The following GLYATL1 variants were observed in gnomAD, a reference collection of about 807,000 sequenced individuals.
GLYATL1 encodes glycine-N-acyltransferase like 1, also known as glycine N-acyltransferase-like protein 1.
Under a neutral mutation model 20.0 loss-of-function variants are expected in GLYATL1, and 15 were observed. The ratio of observed to expected loss-of-function variants is 0.75; its 90% CI spans 0.50 to 1.15. The LOEUF (loss-of-function observed/expected upper bound fraction) is 1.15, where lower values mean the gene tolerates loss of function less well. GLYATL1 is among the 50% of genes most tolerant of loss of function. The pLI, the probability that GLYATL1 is intolerant of heterozygous loss-of-function variation, is 0.00. For missense variants in GLYATL1, 380 were observed against 368.5 expected, an observed-to-expected ratio of 1.03 and a Z score of -0.26; for synonymous variants, 151 against 131.5, an observed-to-expected ratio of 1.15 and a Z score of -1.01.
chr11:58,921,762 G>C (rs912223438), intron 1 of GLYATL1, among the ~76,000 whole-genome samples: 1 of 152,106 alleles, frequency 6.6e-6, no homozygotes, highest in African/African-American at 2.4e-5. Flanking sequence ...TTTGCCTTCT[G>C]ATCTCAGTTA....
chr11:58,947,383 G>A, intron 3 of GLYATL1: 1 of 598,008 alleles, frequency 1.7e-6, no homozygotes, highest in Non-Finnish European at 2.9e-6. Context: ...ATTTGGAGAG[G>A]CAGTGGAGCA....
intron 1 of GLYATL1, among the ~76,000 whole-genome samples, chr11:58,914,888 T>C (rs1318856095): frequency 1.3e-5 from 2 of 152,188 alleles, no homozygotes; most frequent in Non-Finnish European, 1.5e-5. Flanking sequence ...TCTGGCTATT[T>C]TGCTAGGGAT....
chr11:58,909,919 T>C (rs1003168368), downstream of GLYATL1, among the ~76,000 whole-genome samples: 1 of 152,168 alleles, frequency 6.6e-6, no homozygotes, highest in East Asian at 1.9e-4. Flanking sequence ...GTTCGGTCTC[T>C]ATGTTCTGCT....
chr11:58,925,931 C>A (rs569168745), upstream of GLYATL1, among the ~76,000 whole-genome samples: 1 of 152,122 alleles, frequency 6.6e-6, no homozygotes, highest in East Asian at 1.9e-4. Flanking sequence ...CTGGCATAAG[C>A]TGGTCCATTA....
intron 1 of GLYATL1, among the ~76,000 whole-genome samples, chr11:58,906,367 G>A (rs1418775549): frequency 6.6e-6 from 1 of 152,130 alleles, no homozygotes; most frequent in Non-Finnish European, 1.5e-5. Context: ...TTCCTTCCCT[G>A]GTGCCCTTTG....
Position 58,955,263 on chromosome 11 carries a change from T to C in GLYATL1, c.401T>C (p.Val134Ala). ...KVEHSRALLL[V>A]TEDILKLNAS... is the part of the protein sequence containing the mutation. Reference sequence around the variant, plus strand: ...GAGCATTCGAGAGCACTCCTCTTGGTTACGGAAGATATTCTGAAGCTCAAT... The same window carrying C: ...GAGCATTCGAGAGCACTCCTCTTGGCTACGGAAGATATTCTGAAGCTCAAT... The change falls in exon 6 of 7, where the codon GTT becomes GCT. Residue 134 changes from valine to alanine, a missense_variant. Coordinates refer to ENST00000532726, the MANE Select transcript of GLYATL1 (RefSeq NM_001389712.2). 1 of 1,614,102 alleles carries C rather than the reference T, an allele frequency of 6.2e-7. No individual in the cohort carries two copies. Among genetic ancestry groups the C allele is most frequent in the Non-Finnish European group, 8.5e-7 (1 of 1,179,944 alleles).
rs372904220 is a variant in GLYATL1, at chr11:58,950,429, C to T, written c.186+2464C>T. ...ACTAAAGTATTCGTTTTAATAACTG[C>T]GGCATTTCATAGAGTCAATGCAATG... On this transcript the variant is annotated intron_variant, in intron 4 of 6. Transcript: ENST00000532726. Among the ~76,000 whole-genome samples the T allele has an allele frequency of 5.3e-5, 8 of 152,266 alleles. No individual in the cohort carries two copies. The East Asian group carries it at 5.8e-4, about 11-fold the overall frequency.
chr11:58,911,157 T>G (rs1855030437), downstream of GLYATL1, among the ~76,000 whole-genome samples: 1 of 152,172 alleles, frequency 6.6e-6, no homozygotes, highest in Non-Finnish European at 1.5e-5. Context: ...CATTGATAGG[T>G]TTTTCTTTTC....
intron 2 of GLYATL1, among the ~76,000 whole-genome samples, chr11:58,944,705 C>G (rs2135202342): frequency 6.6e-6 from 1 of 152,180 alleles, no homozygotes; most frequent in East Asian, 1.9e-4. Context: ...ACCCATTATT[C>G]ATTATAATTG....
intron 1 of GLYATL1, chr11:58,934,204 G>A (rs1309653391): frequency 6.5e-6 from 1 of 153,376 alleles, no homozygotes; most frequent in Non-Finnish European, 1.4e-5. Context: ...AATGGGCCTG[G>A]GATCTTGGTA....
At chr11:58,952,585 G>C (rs1565134879) in intron 4 of GLYATL1, among the ~76,000 whole-genome samples, 1 of 152,004 alleles carries the variant, frequency 6.6e-6, no homozygotes, top group Non-Finnish European at 1.5e-5. Context: ...TTAAATACGG[G>C]GGTACATGTG....
At chr11:58,907,245 C>T (rs1196095565) in exon 2 of GLYATL1, 3 of 456,108 alleles carry the variant, frequency 6.6e-6, no homozygotes, top group South Asian at 4.7e-5. Context: ...CTGCAGGTCA[C>T]CCGCCAGGTT....
At chr11:58,932,110 C>CAAAAAAAA (rs5792141) in intron 1 of GLYATL1, among the ~76,000 whole-genome samples, 5 of 61,468 alleles carry the variant, frequency 8.1e-5, no homozygotes, top group South Asian at 1.2e-3. Context: ...GACCCCTTCT[C>CAAAAAAAA]AAAAAAAAAA....
intron 4 of GLYATL1, among the ~76,000 whole-genome samples, chr11:58,951,484 T>C (rs1856990585): frequency 7.9e-6 from 1 of 127,140 alleles, no homozygotes; most frequent in Non-Finnish European, 1.7e-5. Flanking sequence ...CTATTTCTTA[T>C]AAACTTAATA....
At chr11:58,928,970 A>G (rs906629524) in intron 1 of GLYATL1, among the ~76,000 whole-genome samples, 5 of 152,220 alleles carry the variant, frequency 3.3e-5, no homozygotes, top group African/African-American at 1.2e-4. Context: ...TATTTACCCT[A>G]TGACCTAATG....
intron 1 of GLYATL1, among the ~76,000 whole-genome samples, chr11:58,914,418 C>T (rs544919997): frequency 2.6e-5 from 4 of 152,270 alleles, no homozygotes; most frequent in South Asian, 4.2e-4. Flanking sequence ...CAGAGGTCTC[C>T]GGATGGCTCC....
At chr11:58,919,731 T>C (rs7113989) in intron 1 of GLYATL1, among the ~76,000 whole-genome samples, 1,682 of 152,336 alleles carry the variant, frequency 0.011, 38 homozygotes, top group African/African-American at 0.039. Context: ...CTTAAATTTC[T>C]TGAATTCCCG....
intron 1 of GLYATL1, 22 bp from the exon 2 acceptor site, chr11:58,943,521 G>T (rs1024958409): frequency 6.3e-7 from 1 of 1,590,394 alleles, no homozygotes; most frequent in African/African-American, 1.3e-5. Flanking sequence ...GTTTAATTCA[G>T]CTGAAGTTTT....
chr11:58,938,127 C>T (rs1386182211), upstream of GLYATL1, among the ~76,000 whole-genome samples: 59 of 152,200 alleles, frequency 3.9e-4, no homozygotes, highest in Admixed American at 3.9e-3. Flanking sequence ...TATTGTTCTA[C>T]TTACAAGATC....
Sources: gnomAD v4.1 joint callset for allele counts (sites outside exome capture counted in the v4.1 genomes callset) on GRCh38, gnomAD v4.1.1 for gene constraint, MANE v1.5 for transcripts, NCBI Gene and HGNC (gene_info 2026-07-23, HGNC 2026-07-21) for gene names.